DSCAML1: variants seen among roughly 807,000 people sequenced by gnomAD.
DSCAML1 encodes cell adhesion molecule DSCAML1.
DSCAML1 carries 38 observed loss-of-function variants against 200.5 expected under a neutral mutation model. The observed-to-expected ratio is 0.19, with a 90% CI of 0.15 to 0.25. The LOEUF is 0.25. DSCAML1 is among the 10% of genes least tolerant of loss of function. The probability of loss-of-function intolerance (pLI) is 1.00; values close to 1 mark genes in which losing one functional copy is unlikely to be tolerated. For synonymous variants in DSCAML1, 1,215 were observed against 1,165.0 expected, an observed-to-expected ratio of 1.04 and a Z score of -0.87; for missense variants, 2,223 against 2,858.8, an observed-to-expected ratio of 0.78 and a Z score of 5.07.
rs756400959 is a variant in DSCAML1, at chr11:117,505,518, G to A, written c.1998C>T (p.Asn666=). The part of the protein sequence containing the change: ...ISSVSLKHNG[N]YTCIASNAAA... ...CTGCGTTGCTGGCGATGCATGTATA[G>A]TTGCCGTTGTGCTTGAGGGAGACGC... The change falls in exon 9 of 33, where the codon AAC becomes AAT. Residue 666 remains asparagine (N), a synonymous_variant. Transcript: ENST00000651296. This position sits in a 1 kb window ranked among gnomAD's most constrained non-coding sequence, Gnocchi z 6.7. The A allele has an allele frequency of 3.7e-6, 6 of 1,613,278 alleles. No homozygotes were observed. The African/African-American group carries it at 5.3e-5, about 14-fold the overall frequency.
intron 1 of DSCAML1, among the ~76,000 whole-genome samples, chr11:117,804,558 C>A (rs1385731337): frequency 2.0e-5 from 3 of 152,208 alleles, no homozygotes; most frequent in African/African-American, 7.2e-5. Flanking sequence ...TTTTGCCAGG[C>A]TACGTATCTT....
chr11:117,504,773 A>G lies in DSCAML1; in HGVS notation c.2182+151T>C. Reference sequence around the variant, plus strand: ...GGGTGGCTGAGGATGACTCCAGGTGAGGTGTAGCCTGGGGTCCACTGGGGT... The same window carrying G: ...GGGTGGCTGAGGATGACTCCAGGTGGGGTGTAGCCTGGGGTCCACTGGGGT... On this transcript the variant is annotated intron_variant, in intron 10 of 32. Transcript: ENST00000651296. This position sits in a 1 kb window ranked among gnomAD's most constrained non-coding sequence, Gnocchi z 5.0. 1 of 1,105,344 alleles carries G rather than the reference A, an allele frequency of 9.0e-7. No individual in the cohort carries two copies. The highest frequency in any genetic ancestry group is 1.2e-6 in the Non-Finnish European group (1 of 836,698). The allele number at this position is 1,105,344 out of a possible 1,614,324, so 68.5% of individuals were successfully genotyped here.
At chr11:117,772,378 C>T (rs144372136) in intron 3 of DSCAML1, among the ~76,000 whole-genome samples, 249 of 152,290 alleles carry the variant, frequency 1.6e-3, no homozygotes, top group African/African-American at 5.4e-3. Context: ...CGTCCTTGCC[C>T]GTGTCTCCCT....
intron 3 of DSCAML1, among the ~76,000 whole-genome samples, chr11:117,585,457 C>T (rs2051122207): frequency 6.6e-6 from 1 of 152,134 alleles, no homozygotes; most frequent in Non-Finnish European, 1.5e-5. Context: ...ACATGTTGGC[C>T]TGGGTGGTCT....
At chr11:117,548,664 G>A (rs1211280742) in intron 3 of DSCAML1, among the ~76,000 whole-genome samples, 1 of 152,142 alleles carries the variant, frequency 6.6e-6, no homozygotes, top group Non-Finnish European at 1.5e-5. Context: ...CATAACAGCT[G>A]GGCCAAGGCT....
At chr11:117,785,029 A>C (rs1194301648) in intron 1 of DSCAML1, among the ~76,000 whole-genome samples, 1 of 152,160 alleles carries the variant, frequency 6.6e-6, no homozygotes, top group Non-Finnish European at 1.5e-5. Context: ...TGACTCCTGC[A>C]CCCTTCAGTG....
chr11:117,592,540 C>G (rs115349805), intron 3 of DSCAML1, among the ~76,000 whole-genome samples: 2,390 of 152,166 alleles, frequency 0.016, 61 homozygotes, highest in African/African-American at 0.054. Flanking sequence ...CCCCTGATAT[C>G]TAATGTGAAG....
Position 117,428,228 on chromosome 11 carries a change from T to C in DSCAML1, c.*100A>G. 2.7e-6 allele frequency: 2 copies of C among 735,952 alleles called. No homozygotes were observed. Among genetic ancestry groups the C allele is most frequent in the Non-Finnish European group, 2.3e-6 (1 of 426,156 alleles). The allele number at this position is 735,952 out of a possible 1,614,324, so 45.6% of individuals were successfully genotyped here. ...TTTTGTTTTGTCGTTGGTTGGTTTTTGTCTGTCAGTTGAATATAAATAATG... is the reference window on the plus strand; with the variant it reads ...TTTTGTTTTGTCGTTGGTTGGTTTTCGTCTGTCAGTTGAATATAAATAATG... On this transcript the variant is annotated 3_prime_UTR_variant, in exon 33 of 33. Transcript: ENST00000651296.
At chr11:117,742,006 G>A in intron 3 of DSCAML1, among the ~76,000 whole-genome samples, 1 of 152,204 alleles carries the variant, frequency 6.6e-6, no homozygotes, top group Non-Finnish European at 1.5e-5. Flanking sequence ...TGCTCTCAGG[G>A]AGGAAACAGA....
At chr11:117,662,503 G>A (rs1232816214) in intron 3 of DSCAML1, among the ~76,000 whole-genome samples, 3 of 152,196 alleles carry the variant, frequency 2.0e-5, no homozygotes, top group Non-Finnish European at 4.4e-5. Context: ...ACCACTCGTC[G>A]AGAATGCCAG....
Position 117,542,743 on chromosome 11 carries a change from T to C in DSCAML1, c.512-10221A>G, listed in dbSNP as rs1640395739. ...GGCACATCTTCCCTCTCTTGACCAT[T>C]GGTACACACCTAGGAAGACCATCCT... On this transcript the variant is annotated intron_variant, in intron 3 of 32. Transcript: ENST00000651296. Among the ~76,000 whole-genome samples, 2 of 152,214 alleles carry C rather than the reference T, an allele frequency of 1.3e-5. 1 individual carries two copies. Among genetic ancestry groups the C allele is most frequent in the South Asian group, 4.1e-4 (2 of 4,832 alleles).
intron 3 of DSCAML1, among the ~76,000 whole-genome samples, chr11:117,578,118 C>T (rs945665166): frequency 6.6e-6 from 1 of 151,554 alleles, no homozygotes; most frequent in Non-Finnish European, 1.5e-5. Flanking sequence ...GACTGTAATC[C>T]CAGCTACTCG....
chr11:117,503,978 G>A lies in DSCAML1; in HGVS notation c.2226C>T (p.Gly742=). The part of the protein sequence containing the change: ...PQQYHPVPLT[G]RIQILPNSSL... ...AGCTGTTGGGCAGGATCTGGATGCG[G>A]CCAGTGAGGGGCACAGGGTGGTACT... Residue 742 remains glycine (G), a synonymous_variant, in exon 11 of 33, where the codon GGC becomes GGT. Coordinates refer to ENST00000651296, the MANE Select transcript of DSCAML1 (RefSeq NM_020693.4). This position sits in a 1 kb window ranked among gnomAD's most constrained non-coding sequence, Gnocchi z 5.2. 6.2e-7 allele frequency: 1 copy of A among 1,614,196 alleles called. No homozygotes were observed. The highest frequency in any genetic ancestry group is 1.1e-5 in the South Asian group (1 of 91,078).
chr11:117,715,639 C>A (rs1222677709), intron 3 of DSCAML1, among the ~76,000 whole-genome samples: 1 of 152,144 alleles, frequency 6.6e-6, no homozygotes, highest in Non-Finnish European at 1.5e-5. Context: ...GCAGAAACAG[C>A]CCCTCCACAA....
chr11:117,512,476 G>T (rs989473576), intron 8 of DSCAML1, among the ~76,000 whole-genome samples: 6 of 152,202 alleles, frequency 3.9e-5, no homozygotes, highest in Non-Finnish European at 8.8e-5. Flanking sequence ...GGATGAGGGG[G>T]CCTGAGCTTT....
At chr11:117,649,201 C>T (rs2052580556) in intron 3 of DSCAML1, among the ~76,000 whole-genome samples, 1 of 151,940 alleles carries the variant, frequency 6.6e-6, no homozygotes. Context: ...CCTCAGCCAC[C>T]CCAGCAGCTA....
rs1591524709 is a variant in DSCAML1 at position 117,804,469 on chromosome 11, CA to C, written c.-250+12920del. ...AAATCTGCCTTAGCTTTCTGGAGTT[CA>C]AAAGATGTGCCCAATCTGGACAAAA... is the stretch of plus-strand genomic sequence containing the variant. On this transcript the variant is annotated intron_variant, in intron 1 of 2. Transcript: ENST00000525836. Among the ~76,000 whole-genome samples the C allele has an allele frequency of 3.9e-5, 6 of 152,328 alleles. No individual in the cohort carries two copies. The South Asian group carries it at 8.3e-4, about 21-fold the overall frequency.
chr11:117,758,146 C>T (rs1000583721), intron 3 of DSCAML1, among the ~76,000 whole-genome samples: 1 of 151,514 alleles, frequency 6.6e-6, no homozygotes, highest in Non-Finnish European at 1.5e-5. Context: ...ACTCAAAATA[C>T]AAAAATTAGC....
intron 3 of DSCAML1, among the ~76,000 whole-genome samples, chr11:117,695,700 C>T (rs938766065): frequency 2.0e-5 from 3 of 152,160 alleles, no homozygotes; most frequent in Non-Finnish European, 2.9e-5. Flanking sequence ...CTCCAAGAAG[C>T]GGCATTGAGG....
Sources: allele counts gnomAD v4.1 joint callset (sites outside exome capture counted in the v4.1 genomes callset), GRCh38; gene constraint gnomAD v4.1.1; non-coding constraint Gnocchi (gnomAD v3.1); transcripts MANE v1.5; gene names NCBI Gene and HGNC (gene_info 2026-07-23, HGNC 2026-07-21).